ZNF16: variants seen among roughly 807,000 people sequenced by gnomAD.
The protein encoded by ZNF16 is zinc finger protein 16.
A neutral mutation model predicts 9.0 loss-of-function variants in ZNF16; 7 were observed. The ratio of observed to expected loss-of-function variants is 0.78; its 90% CI spans 0.44 to 1.47. The LOEUF is 1.47. Among genes scored for constraint, ZNF16 ranks in the 40% most tolerant of loss-of-function variants. The pLI is 0.01. For synonymous variants in ZNF16, 312 were observed against 301.5 expected (o/e 1.03, Z -0.36); for missense variants, 830 against 854.2 (o/e 0.97, Z 0.35).
intron 2 of ZNF16, among the ~76,000 whole-genome samples, chr8:144,942,622 T>C (rs1279352379): frequency 6.6e-6 from 1 of 152,288 alleles, no homozygotes; most frequent in Admixed American, 6.5e-5. Flanking sequence ...ATTACCATGA[T>C]GATTGCAATG....
chr8:144,934,990 G>C (rs1209170251), intron 2 of ZNF16, among the ~76,000 whole-genome samples: 1 of 152,068 alleles, frequency 6.6e-6, no homozygotes, highest in African/African-American at 2.4e-5. Flanking sequence ...CATGAGGAAC[G>C]GGTTGTCTAG....
chr8:144,936,649 C>A (rs1293961243), intron 2 of ZNF16, among the ~76,000 whole-genome samples: 1 of 152,108 alleles, frequency 6.6e-6, no homozygotes, highest in Non-Finnish European at 1.5e-5. Context: ...TGTTAAGCAT[C>A]TTTTCTTTTG....
Position 144,931,555 on chromosome 8 carries a change from C to T in ZNF16, c.1232G>A (p.Gly411Asp). The T allele has an allele frequency of 2.1e-5, 34 of 1,614,118 alleles. No individual in the cohort carries two copies. Among genetic ancestry groups the T allele is most frequent in the Non-Finnish European group, 2.9e-5 (34 of 1,180,032 alleles). The change falls in exon 3 of 3, where the codon GGC becomes GAC. Residue 411 changes from glycine to aspartate, a missense_variant. Transcript: ENST00000394909. ...GTTGGAGACCCGACTGAAGGGCTTG[C>T]CACAATCATTACACTCATAAGGCTT... is the stretch of plus-strand genomic sequence containing the variant. ...GEKPYECNDC[G>D]KPFSRVSNLI...
intron 1 of ZNF16, chr8:144,948,241 G>A (rs993997001): frequency 3.9e-5 from 6 of 152,242 alleles, no homozygotes; most frequent in African/African-American, 1.4e-4. Context: ...CCAGATGAAG[G>A]TGAAACACTG....
Position 144,932,180 on chromosome 8 carries a change from G to C in ZNF16, c.607C>G (p.Pro203Ala). ...SVDLTGHEGVPTAESPLICNE... is the reference protein window; with the variant it reads ...SVDLTGHEGVATAESPLICNE... ...CATATGAGTGGACTTTCAGCTGTGG[G>C]AACCCCCTCATGACCAGTTAGGTCC... The change falls in exon 3 of 3, where the codon CCC becomes GCC. Residue 203 changes from proline to alanine, a missense_variant. Transcript: ENST00000394909. The surrounding 1 kb of genome is among the most constrained non-coding windows in gnomAD (Gnocchi z 5.0). The C allele has an allele frequency of 1.2e-6, 2 of 1,614,150 alleles. No homozygotes were observed. Among genetic ancestry groups the C allele is most frequent in the Non-Finnish European group, 1.7e-6 (2 of 1,180,030 alleles).
rs762469290 is a variant in ZNF16 at position 144,933,136 on chromosome 8, A to C, written c.197-546T>G. On this transcript the variant is annotated intron_variant, in intron 2 of 2. Transcript: ENST00000394909. The surrounding 1 kb of genome is among the most constrained non-coding windows in gnomAD (Gnocchi z 5.6). ...TGCTAATGGCACTGAGCTTGGTCTT[A>C]GGAGTCACTAGTGTGGAGAGAGACC... Among the ~76,000 whole-genome samples the C allele has an allele frequency of 6.6e-5, 10 of 152,162 alleles. No individual in the cohort carries two copies. Among genetic ancestry groups the C allele is most frequent in the Non-Finnish European group, 1.5e-4 (10 of 68,020 alleles).
chr8:144,931,983 G>T lies in ZNF16; in HGVS notation c.804C>A (p.Ser268Arg). 1 of 1,613,836 alleles carries T rather than the reference G, an allele frequency of 6.2e-7. No homozygotes were observed. Among genetic ancestry groups the T allele is most frequent in the Non-Finnish European group, 8.5e-7 (1 of 1,179,862 alleles). The change falls in exon 3 of 3, where the codon AGC becomes AGA. Residue 268 changes from serine (S) to arginine (R), a missense_variant. Ser to Arg is a moderately radical substitution (Grantham distance 110). Coordinates refer to ENST00000394909, the MANE Select transcript of ZNF16 (RefSeq NM_006958.3). ...GCCCTCGGAAGGCTTTCCCACATTC[G>T]CTGCACTGGTAAGCTTTCTCACTCA... ...SHMSEKAYQCSECGKAFRGHS... is the reference protein window; with the variant it reads ...SHMSEKAYQCRECGKAFRGHS...
Position 144,931,464 on chromosome 8 carries a change from T to C in ZNF16, c.1323A>G (p.Ala441=). Residue 441 remains alanine (A), a synonymous_variant, in exon 3 of 3, where the codon GCA becomes GCG. Transcript: ENST00000394909. ...GAATAAGGCTGGAGCTCTGACTAAA[T>C]GCTTTCCCACAGTCACTGCACTTAT... ...KPYKCSDCGK[A]FSQSSSLIQH... is the part of the protein sequence containing the mutation. 1.9e-6 allele frequency: 3 copies of C among 1,613,482 alleles called. No homozygotes were observed. The highest frequency in any genetic ancestry group is 2.5e-6 in the Non-Finnish European group (3 of 1,179,822).
In ZNF16 at chr8:144,930,911, C is replaced by T. The variant is rs755329381; in HGVS notation, c.1876G>A (p.Glu626Lys). Residue 626 changes from glutamate to lysine, a missense_variant, in exon 3 of 3, where the codon GAG (glutamate) becomes AAG (lysine). By Grantham distance (56) the Glu-to-Lys change is moderately conservative. Coordinates refer to ENST00000394909, the MANE Select transcript of ZNF16 (RefSeq NM_006958.3). ...CACTCACTGCATTTGTAGGGGCGCTCGCCCGTGTGGATTATCTGATGCTGA... is the reference window on the plus strand; with the variant it reads ...CACTCACTGCATTTGTAGGGGCGCTTGCCCGTGTGGATTATCTGATGCTGA... ...LIQHQIIHTGERPYKCSECGK... is the reference protein window; with the variant it reads ...LIQHQIIHTGKRPYKCSECGK... 31 of 1,611,150 alleles carry T rather than the reference C, an allele frequency of 1.9e-5. No homozygotes were observed. The highest frequency in any genetic ancestry group is 1.8e-4 in the East Asian group (8 of 44,896).
At position 144,950,127 on chromosome 8, in the gene ZNF16, C is replaced by T. The variant is rs184856287; in HGVS notation, c.-10+670G>A. On this transcript the variant is annotated intron_variant, in intron 1 of 2. Coordinates refer to ENST00000394909, the MANE Select transcript of ZNF16 (RefSeq NM_006958.3). ...GGTGGAGAGAAACAAATCTGGCCTA[C>T]GTGCCCATCCAGGCATAGTACCTCC... 7.8e-3 allele frequency among the ~76,000 whole-genome samples: 1,190 copies of T among 152,250 alleles called. 8 individuals carry two copies. Among genetic ancestry groups the T allele is most frequent in the Admixed American group, 0.01 (159 of 15,300 alleles).
intron 2 of ZNF16, among the ~76,000 whole-genome samples, chr8:144,937,585 A>C (rs974414068): frequency 6.6e-6 from 1 of 152,086 alleles, no homozygotes; most frequent in Non-Finnish European, 1.5e-5. Flanking sequence ...TTACCCCTAC[A>C]CTTTCTTCTA....
At chr8:144,938,098 A>G (rs948873020) in intron 2 of ZNF16, among the ~76,000 whole-genome samples, 5 of 152,178 alleles carry the variant, frequency 3.3e-5, no homozygotes, top group Admixed American at 6.5e-5. Context: ...GTATGCGTTT[A>G]TTTCTGGACT....
At chr8:144,942,396 T>C (rs1293875638) in intron 2 of ZNF16, among the ~76,000 whole-genome samples, 1 of 152,076 alleles carries the variant, frequency 6.6e-6, no homozygotes, top group African/African-American at 2.4e-5. Flanking sequence ...CAAGCAATTC[T>C]CCTGCTTCAG....
chr8:144,938,299 A>G (rs1183078530), intron 2 of ZNF16, among the ~76,000 whole-genome samples: 1 of 152,274 alleles, frequency 6.6e-6, no homozygotes, highest in Non-Finnish European at 1.5e-5. Context: ...TTCTGCAAAA[A>G]ATGGCCATTG....
intron 1 of ZNF16, among the ~76,000 whole-genome samples, chr8:144,949,814 T>G (rs375709056): frequency 6.6e-6 from 1 of 152,176 alleles, no homozygotes; most frequent in South Asian, 2.1e-4. Context: ...CCCCATGTGA[T>G]AGTCTGAAAT....
Position 144,931,934 on chromosome 8 carries a change from T to C in ZNF16, c.853A>G (p.Ser285Gly). 1.2e-6 allele frequency: 2 copies of C among 1,613,580 alleles called. No homozygotes were observed. Among genetic ancestry groups the C allele is most frequent in the Non-Finnish European group, 1.7e-6 (2 of 1,179,550 alleles). ...RGHSDFSRHQ[S>G]HHSSERPYMC... is the part of the protein sequence containing the mutation. ...TAAGGCCTCTCACTGCTGTGGTGAC[T>C]CTGATGCCTAGAAAAGTCTGAGTGC... Residue 285 changes from serine to glycine, a missense_variant, in exon 3 of 3, where the codon AGT (serine) becomes GGT (glycine). Physicochemically the swap from Ser to Gly is moderately conservative, Grantham distance 56. Transcript: ENST00000394909.
At chr8:144,950,462 C>T (rs1016203133) in intron 1 of ZNF16, 2 of 152,246 alleles carry the variant, frequency 1.3e-5, no homozygotes, top group African/African-American at 2.4e-5. Flanking sequence ...TCGCTCCGCC[C>T]GAGCTCGAAT....
intron 2 of ZNF16, among the ~76,000 whole-genome samples, chr8:144,939,105 G>C (rs1244631870): frequency 6.6e-6 from 1 of 151,982 alleles, no homozygotes; most frequent in Non-Finnish European, 1.5e-5. Flanking sequence ...ATATGCTATT[G>C]GATTCAGTTT....
intron 1 of ZNF16, 137 bp from the exon 2 acceptor site, chr8:144,946,352 G>T: frequency 2.5e-6 from 2 of 812,324 alleles, no homozygotes; most frequent in Non-Finnish European, 3.5e-6. Context: ...AGGTCTCAGG[G>T]GCTGATGCTG....
Sources: allele counts gnomAD v4.1 joint callset (sites outside exome capture counted in the v4.1 genomes callset), GRCh38; gene constraint gnomAD v4.1.1; non-coding constraint Gnocchi (gnomAD v3.1); transcripts MANE v1.5; gene names NCBI Gene and HGNC (gene_info 2026-07-23, HGNC 2026-07-21).